Variants in CASTOR2 observed in about 807,000 individuals in gnomAD.
CASTOR2 encodes cytosolic arginine sensor for mTORC1 subunit 2.
Under a neutral mutation model 31.2 loss-of-function variants are expected in CASTOR2, and 8 were observed. That is an observed-to-expected ratio of 0.26 (90% CI 0.15 to 0.46). The LOEUF is 0.46. Among genes scored for constraint, CASTOR2 ranks in the 20% least tolerant of loss-of-function variants. The pLI is 0.99. For missense variants in CASTOR2, 216 were observed against 382.1 expected, an observed-to-expected ratio of 0.57 and a Z score of 3.62; for synonymous variants, 162 against 158.7, an observed-to-expected ratio of 1.02 and a Z score of -0.16.
chr7:75,028,168 A>C lies in CASTOR2; in HGVS notation c.*3469A>C, dbSNP rs1366254754. On this transcript the variant is annotated 3_prime_UTR_variant, in exon 9 of 9. Coordinates refer to ENST00000616305, the MANE Select transcript of CASTOR2 (RefSeq NM_001145064.3). ...AGTCTTGCTCTGTCGCCCAGGCTGG[A>C]GTGCTGTGGCATGATCTCAGCTCAC... 1 of 1,255,838 alleles carries C rather than the reference A, an allele frequency of 8.0e-7. No individual in the cohort carries two copies. The highest frequency in any genetic ancestry group is 1.1e-6 in the Non-Finnish European group (1 of 940,510). The allele number at this position is 1,255,838 out of a possible 1,614,324, so 77.8% of individuals were successfully genotyped here.
rs1021317150 is a variant in CASTOR2, at chr7:75,028,641, G to T, written c.*3942G>T. ...TGCCACTGATAAGTTCTGCCTCGTC[G>T]TGGGGCTCCCCTGGTTCCCAAGACA... On this transcript the variant is annotated 3_prime_UTR_variant, in exon 9 of 9. Transcript: ENST00000616305. Among the ~76,000 whole-genome samples the T allele has an allele frequency of 1.3e-5, 2 of 152,248 alleles. No homozygotes were observed. The highest frequency in any genetic ancestry group is 4.8e-5 in the African/African-American group (2 of 41,552).
At chr7:75,017,844 A>G in intron 3 of CASTOR2, 53 bp downstream of exon 3, 1 of 1,613,036 alleles carries the variant, frequency 6.2e-7, no homozygotes, top group Non-Finnish European at 8.5e-7. Context: ...CCTCTGACAC[A>G]CTCACTCCCA....
intron 2 of CASTOR2, among the ~76,000 whole-genome samples, chr7:75,012,294 G>C (rs1804768958): frequency 1.3e-5 from 2 of 151,972 alleles, no homozygotes; most frequent in Non-Finnish European, 2.9e-5. Context: ...TTCAGAAAGA[G>C]AGTTTAGTTT....
intron 1 of CASTOR2, among the ~76,000 whole-genome samples, chr7:75,003,809 T>G (rs1804549769): frequency 6.6e-6 from 1 of 151,474 alleles, no homozygotes; most frequent in African/African-American, 2.4e-5. Flanking sequence ...GTCTGGGGGC[T>G]GACTCCTGAG....
At chr7:75,022,488 G>A (rs1805029391) in intron 7 of CASTOR2, among the ~76,000 whole-genome samples, 1 of 27,368 alleles carries the variant, frequency 3.7e-5, no homozygotes, top group Admixed American at 5.0e-4. Context: ...CTGGGTGACA[G>A]AGCAAATCTT....
chr7:74,991,824 C>T (rs1474656047), intron 1 of CASTOR2, among the ~76,000 whole-genome samples: 1 of 151,948 alleles, frequency 6.6e-6, no homozygotes, highest in Non-Finnish European at 1.5e-5. Context: ...CAGAAACAGC[C>T]CAAATCATGG....
intron 1 of CASTOR2, among the ~76,000 whole-genome samples, chr7:74,994,514 G>A (rs1433593609): frequency 6.6e-6 from 1 of 152,130 alleles, no homozygotes; most frequent in African/African-American, 2.4e-5. Flanking sequence ...ACTTTGGGGG[G>A]CCGAGGCGGG....
rs1257582810 is a variant in CASTOR2 at position 74,987,107 on chromosome 7, G to C, written c.114-20887G>C. ...TTTATGCTACCAAGGAGTGTTTGTT[G>C]TCTAAAGCCAGCACCGGCCGGGCGC... On this transcript the variant is annotated intron_variant, in intron 1 of 8. Transcript: ENST00000616305. Among the ~76,000 whole-genome samples the C allele has an allele frequency of 4.6e-3, 699 of 151,550 alleles. 5 individuals are homozygous for C. The highest frequency in any genetic ancestry group is 0.016 in the African/African-American group (678 of 41,362).
chr7:75,029,518 A>G lies in CASTOR2; in HGVS notation c.*4819A>G, dbSNP rs1805240438. Among the ~76,000 whole-genome samples the G allele has an allele frequency of 5.3e-5, 8 of 151,860 alleles. No individual in the cohort carries two copies. The stretch of plus-strand genomic sequence containing the variant: ...ACCACCACGCTCGGCTAATTTTTGT[A>G]TTTTTAGTAGAGACAGGGTTTCACT... On this transcript the variant is annotated 3_prime_UTR_variant, in exon 9 of 9. Coordinates refer to ENST00000616305, the MANE Select transcript of CASTOR2 (RefSeq NM_001145064.3).
At chr7:74,985,325 C>T (rs1488593041) in intron 1 of CASTOR2, among the ~76,000 whole-genome samples, 68 of 152,066 alleles carry the variant, frequency 4.5e-4, no homozygotes, top group African/African-American at 1.6e-3. Flanking sequence ...CAATGGCTCA[C>T]ACTCAGCATT....
At chr7:75,008,679 G>A (rs1241658652) in intron 2 of CASTOR2, among the ~76,000 whole-genome samples, 1 of 152,102 alleles carries the variant, frequency 6.6e-6, no homozygotes, top group Non-Finnish European at 1.5e-5. Context: ...CTGGAAGACA[G>A]AGCGAAACTC....
rs958471806 is a variant in CASTOR2 at position 75,028,064 on chromosome 7, C to T, written c.*3365C>T. 1.5e-4 allele frequency: 237 copies of T among 1,531,696 alleles called. No individual in the cohort carries two copies. The Admixed American group carries it at 4.3e-3, about 27-fold the overall frequency. The allele number at this position is 1,531,696 out of a possible 1,614,324, so 94.9% of individuals were successfully genotyped here. A position where few individuals can be genotyped will look rare whatever the true frequency, so the allele number is the denominator to read the frequency against. On this transcript the variant is annotated 3_prime_UTR_variant, in exon 9 of 9. Transcript: ENST00000616305. ...AGTGGGCCTGTTGTCTTGGCGCTGGCGGATGGGGCAGGTGCCTGGCGGGGG... is the reference window on the plus strand; with the variant it reads ...AGTGGGCCTGTTGTCTTGGCGCTGGTGGATGGGGCAGGTGCCTGGCGGGGG...
At chr7:74,996,436 G>A (rs1438866921) in intron 1 of CASTOR2, among the ~76,000 whole-genome samples, 1 of 152,028 alleles carries the variant, frequency 6.6e-6, no homozygotes, top group African/African-American at 2.4e-5. Context: ...AGAATGTTGC[G>A]TCCCAATTCA....
intron 1 of CASTOR2, among the ~76,000 whole-genome samples, chr7:74,987,189 G>A (rs1804086672): frequency 2.0e-5 from 3 of 152,062 alleles, no homozygotes; most frequent in Admixed American, 1.3e-4. Flanking sequence ...CAGATCACTT[G>A]AGGTCAGGAG....
At chr7:75,002,830 A>G (rs1313043967) in intron 1 of CASTOR2, among the ~76,000 whole-genome samples, 3 of 151,418 alleles carry the variant, frequency 2.0e-5, no homozygotes, top group Non-Finnish European at 2.9e-5. Context: ...GCTCACACCC[A>G]TAATCCCAGC....
At chr7:75,007,266 T>A (rs1424856490) in intron 1 of CASTOR2, among the ~76,000 whole-genome samples, 6 of 152,132 alleles carry the variant, frequency 3.9e-5, no homozygotes, top group African/African-American at 1.4e-4. Context: ...AAGGGCCACC[T>A]GGACACAGAC....
chr7:75,011,740 A>AC (rs1474782513), intron 2 of CASTOR2, among the ~76,000 whole-genome samples: 4 of 142,106 alleles, frequency 2.8e-5, no homozygotes, highest in African/African-American at 1.2e-4. Flanking sequence ...AAAAAAAAAA[A>AC]AAAAAACCAA....
rs1308381130 is a variant in CASTOR2, at chr7:74,979,012, C to T, written c.113+13914C>T. 2.7e-5 allele frequency among the ~76,000 whole-genome samples: 4 copies of T among 150,778 alleles called. 1 individual carries two copies. The highest frequency in any genetic ancestry group is 7.3e-5 in the African/African-American group (3 of 41,012). ...TGAAACCTCATCTCTACAAAATATA[C>T]AAAATGTAGCTGGGCATAGTGGCGT... On this transcript the variant is annotated intron_variant, in intron 1 of 8. Transcript: ENST00000616305.
At chr7:75,001,225 C>T (rs35920226) in intron 1 of CASTOR2, among the ~76,000 whole-genome samples, 16,464 of 152,130 alleles carry the variant, frequency 0.11, 1,010 homozygotes, top group Middle Eastern at 0.15. Flanking sequence ...TACAGGGGCA[C>T]ACCACCATGC....
Sources: gnomAD v4.1 joint callset for allele counts (sites outside exome capture counted in the v4.1 genomes callset) on GRCh38, gnomAD v4.1.1 for gene constraint, MANE v1.5 for transcripts, NCBI Gene and HGNC (gene_info 2026-07-23, HGNC 2026-07-21) for gene names.